Variants in PDE2A observed in about 807,000 individuals in gnomAD.
The protein encoded by PDE2A is phosphodiesterase 2A, also known as cGMP-dependent 3',5'-cyclic phosphodiesterase.
In PDE2A, 53 loss-of-function variants were observed where a neutral mutation model predicts 133.6. The observed-to-expected ratio is 0.40, with a 90% CI of 0.32 to 0.50. PDE2A has a LOEUF of 0.50. PDE2A is among the 20% of genes least tolerant of loss of function. The pLI is 0.73. For missense variants in PDE2A, 796 were observed against 1,232.4 expected (o/e 0.65, Z 5.30); for synonymous variants, 491 against 490.2 (o/e 1.00, Z -0.02).
intron 2 of PDE2A, among the ~76,000 whole-genome samples, chr11:72,635,814 A>T (rs1393476492): frequency 6.6e-6 from 1 of 152,180 alleles, no homozygotes; most frequent in Non-Finnish European, 1.5e-5. Context: ...ATAATTCGGG[A>T]AATGGAACAG....
chr11:72,579,150 C>A, intron 27 of PDE2A, 134 bp downstream of exon 27: 1 of 946,280 alleles, frequency 1.1e-6, no homozygotes, highest in Non-Finnish European at 1.7e-6. Flanking sequence ...CTGGGTCTGC[C>A]TGGGGGGGGC....
intron 1 of PDE2A, among the ~76,000 whole-genome samples, chr11:72,650,196 A>AT (rs1374134264): frequency 6.6e-6 from 1 of 151,856 alleles, no homozygotes; most frequent in East Asian, 1.9e-4. Context: ...TAATATTTGT[A>AT]TTTTTTGGTA....
chr11:72,655,242 A>G (rs1854861203), intron 1 of PDE2A, among the ~76,000 whole-genome samples: 1 of 148,128 alleles, frequency 6.8e-6, no homozygotes, highest in Non-Finnish European at 1.5e-5. Context: ...GGAAGGAGGC[A>G]CTGCAGGGAT....
At chr11:72,636,006 T>G in intron 2 of PDE2A, 2 of 1,258,790 alleles carry the variant, frequency 1.6e-6, no homozygotes, top group Middle Eastern at 2.2e-4. Flanking sequence ...TCCCATGCCC[T>G]TCCTGTCTCC....
chr11:72,656,009 G>A (rs375205383), intron 1 of PDE2A, among the ~76,000 whole-genome samples: 3 of 152,316 alleles, frequency 2.0e-5, no homozygotes, highest in East Asian at 3.9e-4. Flanking sequence ...TGGATGGCTT[G>A]GCGGCCACCA....
At position 72,580,592 on chromosome 11, in the gene PDE2A, C is replaced by T. The variant is rs1233790478; in HGVS notation, c.2166G>A (p.Glu722=). The change falls in exon 25 of 31, where the codon GAG becomes GAA. Residue 722 remains glutamate, a synonymous_variant. Transcript: ENST00000334456. The part of the protein sequence containing the change: ...KSVLAALYSS[E]GSVMERHHFA... Reference sequence around the variant, plus strand: ...AGAGTGATACCTCCATGACGGAGCCCTCAGAGCTGTAGAGCGCAGCCAGCA... The same window carrying T: ...AGAGTGATACCTCCATGACGGAGCCTTCAGAGCTGTAGAGCGCAGCCAGCA... The T allele has an allele frequency of 6.4e-7, 1 of 1,569,342 alleles. No individual in the cohort carries two copies. The highest frequency in any genetic ancestry group is 8.6e-7 in the Non-Finnish European group (1 of 1,156,206).
chr11:72,596,746 G>T (rs1856509978), intron 5 of PDE2A, 98 bp from the exon 6 acceptor site: 1 of 661,292 alleles, frequency 1.5e-6, no homozygotes, highest in Non-Finnish European at 2.3e-6. Flanking sequence ...TGCAGACAAA[G>T]AGAGGCCAGG....
Position 72,576,974 on chromosome 11 carries a change from C to A in PDE2A, c.*410G>T. On this transcript the variant is annotated 3_prime_UTR_variant, in exon 31 of 31. Transcript: ENST00000334456. Reference sequence around the variant, plus strand: ...TGCTCACTCAGATGTCTCACCTTCCCCTTCCATGAGGATCCTGGAGACCCC... The same window carrying A: ...TGCTCACTCAGATGTCTCACCTTCCACTTCCATGAGGATCCTGGAGACCCC... 5.1e-6 allele frequency: 1 copy of A among 194,578 alleles called. No individual in the cohort carries two copies. 12.1% of individuals were successfully genotyped at this position (194,578 alleles called of 1,614,324 possible). A position where few individuals can be genotyped will look rare whatever the true frequency, so the allele number is the denominator to read the frequency against.
intron 1 of PDE2A, among the ~76,000 whole-genome samples, chr11:72,662,903 C>G (rs1855109342): frequency 6.6e-6 from 1 of 152,138 alleles, no homozygotes; most frequent in African/African-American, 2.4e-5. Flanking sequence ...GGCCTTCACT[C>G]CCTTCCTCTC....
intron 1 of PDE2A, among the ~76,000 whole-genome samples, chr11:72,654,587 T>TGTG (rs1854839914): frequency 6.6e-6 from 1 of 151,626 alleles, no homozygotes; most frequent in African/African-American, 2.4e-5. Flanking sequence ...ACCAGACATC[T>TGTG]CTCCCCTCAT....
In PDE2A at chr11:72,584,672, C is replaced by G. The variant is rs1205664830; in HGVS notation, c.1416G>C (p.Thr472=). The change falls in exon 18 of 31, where the codon ACG becomes ACC. Residue 472 remains threonine, a synonymous_variant. Coordinates refer to ENST00000334456, the MANE Select transcript of PDE2A (RefSeq NM_002599.5). ...CGTCAGGGATGTTCAGGATCTGGCC[C>G]GTGGTCGCCACGTGTCCCGCGATGC... ...DQGIAGHVAT[T]GQILNIPDAY... The G allele has an allele frequency of 1.2e-6, 2 of 1,613,362 alleles. No homozygotes were observed. The highest frequency in any genetic ancestry group is 1.1e-5 in the South Asian group (1 of 91,080).
intron 2 of PDE2A, among the ~76,000 whole-genome samples, chr11:72,618,206 G>A (rs928774833): frequency 2.6e-5 from 4 of 152,194 alleles, no homozygotes; most frequent in African/African-American, 4.8e-5. Context: ...GGAGCTGCTC[G>A]CTCCCTCCAT....
At chr11:72,633,782 G>A (rs1858540791) in intron 2 of PDE2A, among the ~76,000 whole-genome samples, 1 of 152,170 alleles carries the variant, frequency 6.6e-6, no homozygotes, top group Non-Finnish European at 1.5e-5. Flanking sequence ...AGGGAGGGCA[G>A]CTCAGGGCTG....
chr11:72,650,766 T>C (rs1456104918), intron 1 of PDE2A, among the ~76,000 whole-genome samples: 4 of 152,126 alleles, frequency 2.6e-5, no homozygotes, highest in African/African-American at 9.7e-5. Flanking sequence ...ACCAGACAGC[T>C]GCAGCCCTGA....
intron 1 of PDE2A, among the ~76,000 whole-genome samples, chr11:72,655,510 C>CGT (rs1025048852): frequency 5.3e-5 from 8 of 151,128 alleles, no homozygotes; most frequent in African/African-American, 1.5e-4. Flanking sequence ...TGTGCACGCA[C>CGT]GTGTGTGTGT....
rs1307758999 is a variant in PDE2A, at chr11:72,577,078, C to G, written c.*306G>C. On this transcript the variant is annotated 3_prime_UTR_variant, in exon 31 of 31. Transcript: ENST00000334456. The stretch of plus-strand genomic sequence containing the variant: ...GGGGCAAGGAGAAACCATCAAGCTG[C>G]TCAGACAAAGAATGGCTTGGGAAAG... 9.1e-6 allele frequency: 3 copies of G among 330,826 alleles called. No individual in the cohort carries two copies. Among genetic ancestry groups the G allele is most frequent in the Admixed American group, 8.8e-5 (2 of 22,726 alleles). The allele number at this position is 330,826 out of a possible 1,614,324, so 20.5% of individuals were successfully genotyped here. A position where few individuals can be genotyped will look rare whatever the true frequency, so the allele number is the denominator to read the frequency against.
rs1388916681 is a variant in PDE2A at position 72,623,118 on chromosome 11, T to A, written c.145-14367A>T. On this transcript the variant is annotated intron_variant, in intron 2 of 30. Coordinates refer to ENST00000334456, the MANE Select transcript of PDE2A (RefSeq NM_002599.5). ...CTCCAAAGGGCTCTCCAGGCTAACG[T>A]CTTCACCTCCCTCACCATCCTACAC... is the stretch of plus-strand genomic sequence containing the variant. 2.0e-5 allele frequency among the ~76,000 whole-genome samples: 3 copies of A among 152,068 alleles called. No homozygotes were observed. The East Asian group carries it at 5.8e-4, about 29-fold the overall frequency.
intron 1 of PDE2A, chr11:72,652,717 C>T (rs1437797382): frequency 2.2e-6 from 1 of 456,306 alleles, no homozygotes; most frequent in Non-Finnish European, 4.4e-6. Flanking sequence ...GGTCATTCGT[C>T]CAAAGTCATG....
Position 72,579,612 on chromosome 11 carries a change from G to T in PDE2A, c.2182-4C>A, listed in dbSNP as rs192509310. ...TGGCCTGAGCAAAGTGGTGCCTCTG[G>T]GGGGAGAGGAGTGATGGGGGCCCAG... On this transcript the variant is annotated splice_polypyrimidine_tract_variant and splice_region_variant and intron_variant, in intron 25 of 30. Transcript: ENST00000334456. The T allele has an allele frequency of 2.7e-5, 44 of 1,610,050 alleles. No individual in the cohort carries two copies. The highest frequency in any genetic ancestry group is 4.0e-5 in the African/African-American group (3 of 74,944).
Sources: gnomAD v4.1 joint callset for allele counts (sites outside exome capture counted in the v4.1 genomes callset) on GRCh38, gnomAD v4.1.1 for gene constraint, MANE v1.5 for transcripts, NCBI Gene and HGNC (gene_info 2026-07-23, HGNC 2026-07-21) for gene names.